Variants in MARCHF8 observed in about 807,000 individuals in gnomAD.
MARCHF8 encodes the protein E3 ubiquitin-protein ligase MARCHF8.
In MARCHF8, 40 loss-of-function variants were observed where a neutral mutation model predicts 51.6. The observed-to-expected ratio is 0.77, with a 90% confidence interval of 0.60 to 1.01. The LOEUF (loss-of-function observed/expected upper bound fraction) is 1.01, where lower values mean the gene tolerates loss of function less well. Among genes scored for constraint, MARCHF8 ranks in the 50% least tolerant of loss-of-function variants. The probability of loss-of-function intolerance (pLI) is 0.00; values close to 1 mark genes in which losing one functional copy is unlikely to be tolerated. For synonymous variants in MARCHF8, 263 were observed against 280.3 expected (o/e 0.94, Z 0.62); for missense variants, 685 against 708.6 (o/e 0.97, Z 0.38).
At chr10:45,500,513 A>G (rs942841721) in intron 2 of MARCHF8, among the ~76,000 whole-genome samples, 16 of 152,146 alleles carry the variant, frequency 1.1e-4, no homozygotes, top group African/African-American at 2.7e-4. Flanking sequence ...TCCTGATCTT[A>G]GAGGAAAAAT....
chr10:45,541,557 CTT>C (rs1299848258), intron 1 of MARCHF8, among the ~76,000 whole-genome samples: 1 of 151,898 alleles, frequency 6.6e-6, no homozygotes, highest in Non-Finnish European at 1.5e-5. Flanking sequence ...TACCCTAAAA[CTT>C]AAAGTATAAT....
intron 1 of MARCHF8, among the ~76,000 whole-genome samples, chr10:45,590,202 A>G (rs550679771): frequency 6.6e-6 from 1 of 152,338 alleles, no homozygotes; most frequent in East Asian, 1.9e-4. Context: ...TTCCATTTAC[A>G]TGGTAGCTAA....
intron 2 of MARCHF8, among the ~76,000 whole-genome samples, chr10:45,491,712 C>G (rs1362964747): frequency 1.3e-5 from 2 of 152,096 alleles, no homozygotes; most frequent in Non-Finnish European, 2.9e-5. Flanking sequence ...GCTGTGAGTC[C>G]CAATTTTAAG....
chr10:45,454,848 G>A lies in MARCHF8; in HGVS notation c.*3391C>T, dbSNP rs1309549296. On this transcript the variant is annotated 3_prime_UTR_variant, in exon 8 of 8. Coordinates refer to ENST00000453424, the MANE Select transcript of MARCHF8 (RefSeq NM_001282866.2). The stretch of plus-strand genomic sequence containing the variant: ...TTCTATAAACATTGCATCTAACTGT[G>A]CACTGATCAACTGCACAACTTCAAC... 1 of 152,220 alleles carries A rather than the reference G, an allele frequency of 6.6e-6. No homozygotes were observed. The highest frequency in any genetic ancestry group is 2.4e-5 in the African/African-American group (1 of 41,452). The allele number at this position is 152,220 out of a possible 1,614,324, so 9.4% of individuals were successfully genotyped here.
intron 1 of MARCHF8, among the ~76,000 whole-genome samples, chr10:45,584,202 G>A (rs1378546372): frequency 7.8e-6 from 1 of 128,084 alleles, no homozygotes; most frequent in South Asian, 2.5e-4. Context: ...CAAGAACTAA[G>A]AAACAATCTA....
intron 1 of MARCHF8, among the ~76,000 whole-genome samples, chr10:45,581,103 G>A (rs562390375): frequency 6.6e-6 from 1 of 152,122 alleles, no homozygotes; most frequent in South Asian, 2.1e-4. Flanking sequence ...AGCGGTATTC[G>A]TAAGTCTGTG....
upstream of MARCHF8, among the ~76,000 whole-genome samples, chr10:45,535,655 A>C (rs531846114): frequency 3.8e-4 from 58 of 152,366 alleles, no homozygotes; most frequent in African/African-American, 1.2e-3. Context: ...ACAAACGATA[A>C]AACAGGCCAT....
At chr10:45,562,527 C>A (rs2044321848) in intron 1 of MARCHF8, among the ~76,000 whole-genome samples, 1 of 152,124 alleles carries the variant, frequency 6.6e-6, no homozygotes, top group Non-Finnish European at 1.5e-5. Context: ...TCATCATATG[C>A]ACAACAAAAC....
At chr10:45,484,235 G>A (rs1300881216) in intron 3 of MARCHF8, among the ~76,000 whole-genome samples, 1 of 152,172 alleles carries the variant, frequency 6.6e-6, no homozygotes, top group Non-Finnish European at 1.5e-5. Context: ...ACTACACAAT[G>A]ATATAAAACT....
chr10:45,567,171 G>C (rs2044374360), intron 1 of MARCHF8, among the ~76,000 whole-genome samples: 1 of 152,046 alleles, frequency 6.6e-6, no homozygotes. Flanking sequence ...ATATACTCTG[G>C]TTATTAAGCC....
chr10:45,592,842 A>G (rs1273087194), intron 1 of MARCHF8, among the ~76,000 whole-genome samples: 3 of 152,236 alleles, frequency 2.0e-5, no homozygotes, highest in African/African-American at 7.2e-5. Flanking sequence ...CTTTAATTTC[A>G]GACAAACAAC....
At chr10:45,587,474 G>A (rs903557987) in intron 1 of MARCHF8, among the ~76,000 whole-genome samples, 23 of 152,176 alleles carry the variant, frequency 1.5e-4, no homozygotes, top group African/African-American at 5.1e-4. Context: ...TGTATTGAAA[G>A]GTTCGATGAC....
At chr10:45,466,830 A>T (rs187248216) in intron 3 of MARCHF8, among the ~76,000 whole-genome samples, 1 of 152,096 alleles carries the variant, frequency 6.6e-6, no homozygotes, top group Admixed American at 6.6e-5. Flanking sequence ...CAAAAAGTGT[A>T]CTCTGGGGTA....
At chr10:45,484,912 C>T (rs1476181175) in intron 3 of MARCHF8, among the ~76,000 whole-genome samples, 1 of 152,078 alleles carries the variant, frequency 6.6e-6, no homozygotes, top group African/African-American at 2.4e-5. Context: ...TGTGACAGCT[C>T]AAGGTAGTGT....
intron 1 of MARCHF8, among the ~76,000 whole-genome samples, chr10:45,546,289 T>C (rs1204926024): frequency 6.6e-6 from 1 of 151,840 alleles, no homozygotes; most frequent in Non-Finnish European, 1.5e-5. Context: ...GCCTCCCGAG[T>C]AGCTGGGATT....
chr10:45,538,283 C>T (rs910342489), upstream of MARCHF8, among the ~76,000 whole-genome samples: 3 of 152,242 alleles, frequency 2.0e-5, no homozygotes, highest in African/African-American at 7.2e-5. Flanking sequence ...ATTTTGTCAC[C>T]ACCAGGCCTG....
At chr10:45,508,097 C>G (rs1325305872) in intron 2 of MARCHF8, among the ~76,000 whole-genome samples, 1 of 152,078 alleles carries the variant, frequency 6.6e-6, no homozygotes, top group Non-Finnish European at 1.5e-5. Context: ...GTAACCTTCA[C>G]TTTATTTTCA....
intron 1 of MARCHF8, among the ~76,000 whole-genome samples, chr10:45,547,146 T>C (rs991669900): frequency 3.9e-5 from 6 of 152,030 alleles, no homozygotes; most frequent in African/African-American, 1.4e-4. Flanking sequence ...ATGCTGAAAA[T>C]AAGTGGAAAA....
At chr10:45,533,782 G>A (rs1378466423) in intron 1 of MARCHF8, among the ~76,000 whole-genome samples, 1 of 152,158 alleles carries the variant, frequency 6.6e-6, no homozygotes, top group Non-Finnish European at 1.5e-5. Flanking sequence ...TACACGAGCT[G>A]TTGGCAAACT....
Sources: gnomAD v4.1 joint callset for allele counts (sites outside exome capture counted in the v4.1 genomes callset) on GRCh38, gnomAD v4.1.1 for gene constraint, MANE v1.5 for transcripts, NCBI Gene and HGNC (gene_info 2026-07-23, HGNC 2026-07-21) for gene names.